The following ADGRD1 variants were observed in gnomAD, a reference collection of about 807,000 sequenced individuals.
ADGRD1 encodes the protein adhesion G protein-coupled receptor D1.
ADGRD1 carries 77 observed loss-of-function variants against 113.4 expected under a neutral mutation model. That is an observed-to-expected ratio of 0.68 (90% CI 0.57 to 0.82). The LOEUF is 0.82. Ranked by LOEUF, ADGRD1 falls within the 40% of genes least tolerant of loss-of-function variation. The pLI is 0.00. For missense variants in ADGRD1, 1,036 were observed against 1,139.1 expected (o/e 0.91, Z 1.30); for synonymous variants, 474 against 475.0 (o/e 1.00, Z 0.03).
intron 9 of ADGRD1, chr12:131,002,577 G>C (rs1395128473): frequency 6.7e-6 from 7 of 1,049,444 alleles, no homozygotes; most frequent in African/African-American, 1.7e-5. Flanking sequence ...CTCTCCCCTG[G>C]TGATGTGTGT....
chr12:131,136,028 T>C lies in ADGRD1; in HGVS notation c.2268-9T>C. 6.2e-7 allele frequency: 1 copy of C among 1,613,994 alleles called. No homozygotes were observed. Among genetic ancestry groups the C allele is most frequent in the East Asian group, 2.2e-5 (1 of 44,852 alleles). Reference sequence around the variant, plus strand: ...GCCACTCAGGGTGACTGTCACTGTTTCTCTCCAGGTTGACAGCCAAGGCAG... The same window carrying C: ...GCCACTCAGGGTGACTGTCACTGTTCCTCTCCAGGTTGACAGCCAAGGCAG... On this transcript the variant is annotated splice_polypyrimidine_tract_variant and intron_variant, in intron 21 of 24. Transcript: ENST00000261654.
intron 12 of ADGRD1, among the ~76,000 whole-genome samples, chr12:131,012,520 A>C (rs1002552874): frequency 6.6e-6 from 1 of 152,042 alleles, no homozygotes; most frequent in African/African-American, 2.4e-5. Context: ...ATCTTTGTAA[A>C]CACTTTGTAT....
At chr12:131,080,159 A>G (rs945023459) in intron 14 of ADGRD1, among the ~76,000 whole-genome samples, 2 of 151,988 alleles carry the variant, frequency 1.3e-5, no homozygotes, top group Non-Finnish European at 2.9e-5. Flanking sequence ...ACACATTTTG[A>G]TATGTTTTTA....
intron 9 of ADGRD1, chr12:131,002,763 G>A (rs570014642): frequency 4.0e-6 from 5 of 1,251,690 alleles, no homozygotes; most frequent in South Asian, 2.7e-5. Context: ...CATGGAGAAG[G>A]GGACAGAGCT....
chr12:131,056,895 A>T lies in ADGRD1; in HGVS notation c.1474-19906A>T, dbSNP rs529655551. Among the ~76,000 whole-genome samples the T allele has an allele frequency of 7.0e-3, 1,068 of 152,306 alleles. 9 individuals carry two copies. Among genetic ancestry groups the T allele is most frequent in the African/African-American group, 0.025 (1,020 of 41,564 alleles). Reference sequence around the variant, plus strand: ...GGGCCCTAGGACGACGAAGGAAGCCATGTCCCTGGGGAGAACTGAAGACAC... The same window carrying T: ...GGGCCCTAGGACGACGAAGGAAGCCTTGTCCCTGGGGAGAACTGAAGACAC... On this transcript the variant is annotated intron_variant, in intron 13 of 24. Coordinates refer to ENST00000261654, the MANE Select transcript of ADGRD1 (RefSeq NM_198827.5).
chr12:131,056,754 C>T (rs969428852), intron 13 of ADGRD1, among the ~76,000 whole-genome samples: 22 of 152,178 alleles, frequency 1.4e-4, no homozygotes, highest in African/African-American at 4.3e-4. Flanking sequence ...CGGAAGACCC[C>T]GTGGGGATAA....
chr12:131,100,040 T>C (rs1950033945), intron 15 of ADGRD1, among the ~76,000 whole-genome samples: 1 of 152,140 alleles, frequency 6.6e-6, no homozygotes. Flanking sequence ...GAGGGTAGGA[T>C]TGGCTGAAGA....
chr12:130,963,305 G>A (rs1304048239), intron 2 of ADGRD1, among the ~76,000 whole-genome samples: 1 of 119,584 alleles, frequency 8.4e-6, no homozygotes, highest in African/African-American at 3.4e-5. Context: ...GGGCGACAGA[G>A]CCAGACTCCG....
At chr12:131,094,001 G>GAGCACCCAGCCTCAGCACCCAGCGTC (rs1566103772) in intron 15 of ADGRD1, among the ~76,000 whole-genome samples, 1 of 62,146 alleles carries the variant, frequency 1.6e-5, no homozygotes, top group Non-Finnish European at 3.5e-5. Context: ...ACCCAGCCCT[G>GAGCACCCAGCCTCAGCACCCAGCGTC]AGCACCCAGC....
In ADGRD1 at chr12:131,050,038, G is replaced by A. The variant is rs1326497985; in HGVS notation, c.1474-26763G>A. On this transcript the variant is annotated intron_variant, in intron 13 of 24. Transcript: ENST00000261654. The surrounding 1 kb of genome is among the most constrained non-coding windows in gnomAD (Gnocchi z 4.8). Reference sequence around the variant, plus strand: ...CTTGGCCCTCTACCTGGGAAACTGGGCACGAATGCTTCTCTTGCATAGTGC... The same window carrying A: ...CTTGGCCCTCTACCTGGGAAACTGGACACGAATGCTTCTCTTGCATAGTGC... 6.6e-6 allele frequency among the ~76,000 whole-genome samples: 1 copy of A among 152,224 alleles called. No individual in the cohort carries two copies.
chr12:131,024,863 G>C (rs1213156368), intron 13 of ADGRD1: 1 of 152,298 alleles, frequency 6.6e-6, no homozygotes. Context: ...GTGTCTGTGT[G>C]AGAAGCTCGG....
chr12:130,959,883 C>T (rs843899), intron 2 of ADGRD1, among the ~76,000 whole-genome samples: 27,230 of 152,138 alleles, frequency 0.18, 2,713 homozygotes, highest in Non-Finnish European at 0.22. Context: ...TATAGAATGT[C>T]GTAGTTGAGG....
At chr12:131,039,160 G>A (rs1211212864) in intron 13 of ADGRD1, among the ~76,000 whole-genome samples, 3 of 151,870 alleles carry the variant, frequency 2.0e-5, no homozygotes, top group South Asian at 2.1e-4. Flanking sequence ...GAGCCGGGAC[G>A]GTGCGGAGAG....
chr12:130,955,976 A>G (rs1482064218), intron 2 of ADGRD1, among the ~76,000 whole-genome samples: 1 of 152,180 alleles, frequency 6.6e-6, no homozygotes. Flanking sequence ...TTTAGTAGAC[A>G]CAAGGTTTTG....
At chr12:130,987,676 C>T (rs1302867500) in intron 6 of ADGRD1, 4 of 353,890 alleles carry the variant, frequency 1.1e-5, no homozygotes, top group East Asian at 1.3e-4. Flanking sequence ...AAATGTTAGC[C>T]GTGTGCCTCC....
chr12:131,131,155 G>C (rs1950914474), intron 20 of ADGRD1, among the ~76,000 whole-genome samples: 1 of 152,138 alleles, frequency 6.6e-6, no homozygotes, highest in Non-Finnish European at 1.5e-5. Flanking sequence ...GGGCCCCTCA[G>C]TGCCCCGCCC....
intron 8 of ADGRD1, among the ~76,000 whole-genome samples, chr12:130,996,510 G>A (rs548627442): frequency 1.7e-5 from 2 of 120,260 alleles, no homozygotes; most frequent in Non-Finnish European, 3.6e-5. Context: ...CTCCTGGACG[G>A]GGCGGCTGGC....
In ADGRD1 at chr12:130,954,683, C is replaced by A. The variant is rs771711820; in HGVS notation, c.103+23C>A. 3.1e-6 allele frequency: 5 copies of A among 1,607,978 alleles called. No individual in the cohort carries two copies. In the South Asian group the frequency reaches 5.5e-5, roughly 18 times the overall value. On this transcript the variant is annotated intron_variant, in intron 2 of 24. Coordinates refer to ENST00000261654, the MANE Select transcript of ADGRD1 (RefSeq NM_198827.5). The surrounding 1 kb of genome is among the most constrained non-coding windows in gnomAD (Gnocchi z 4.7). ...CAGGTAAGAGTGTTTCCTTCTCACTCTGAGCACCGCTCTCCCCCTGCCTAG... is the reference window on the plus strand; with the variant it reads ...CAGGTAAGAGTGTTTCCTTCTCACTATGAGCACCGCTCTCCCCCTGCCTAG...
intron 21 of ADGRD1, among the ~76,000 whole-genome samples, chr12:131,132,923 A>G (rs1039541521): frequency 2.0e-5 from 3 of 152,228 alleles, no homozygotes; most frequent in African/African-American, 4.8e-5. Flanking sequence ...AAAAGTGGCA[A>G]ATATGTCAGC....
Sources: allele counts gnomAD v4.1 joint callset (sites outside exome capture counted in the v4.1 genomes callset), GRCh38; gene constraint gnomAD v4.1.1; non-coding constraint Gnocchi (gnomAD v3.1); transcripts MANE v1.5; gene names NCBI Gene and HGNC (gene_info 2026-07-23, HGNC 2026-07-21).